FLNA: variants seen among roughly 807,000 people sequenced by gnomAD.
FLNA encodes filamin A, also known as filamin-A.
A neutral mutation model predicts 157.6 loss-of-function variants in FLNA; 7 were observed. The observed-to-expected ratio is 0.04, with a 90% CI of 0.03 to 0.08. The LOEUF is 0.08. Among genes scored for constraint, FLNA ranks in the 10% least tolerant of loss-of-function variants. The probability of loss-of-function intolerance (pLI) is 1.00; values close to 1 mark genes in which losing one functional copy is unlikely to be tolerated. For synonymous variants in FLNA, 1,103 were observed against 1,060.8 expected, an observed-to-expected ratio of 1.04 and a Z score of -0.77; for missense variants, 1,750 against 2,398.4, an observed-to-expected ratio of 0.73 and a Z score of 5.65.
At position 154,361,761 on chromosome X, in the gene FLNA, A is replaced by G. The variant is rs1557178086; in HGVS notation, c.2853T>C (p.Tyr951=). 2 of 1,207,005 alleles carry G rather than the reference A, an allele frequency of 1.7e-6. No individual in the cohort carries two copies. The highest frequency in any genetic ancestry group is 2.2e-6 in the Non-Finnish European group (2 of 891,750). Reference sequence around the variant, plus strand: ...GGCTCTTAGGGATGGGATCCCCTCCATAAGTGACATTGACGCCTACTGGAC... The same window carrying G: ...GGCTCTTAGGGATGGGATCCCCTCCGTAAGTGACATTGACGCCTACTGGAC... ...QQGPVGVNVT[Y]GGDPIPKSPF... is the part of the protein sequence containing the mutation. The change falls in exon 20 of 48, where the codon TAT becomes TAC. Residue 951 remains tyrosine, a synonymous_variant. Transcript: ENST00000369850.
chrX:154,369,669 C>A (rs1369494018), intron 2 of FLNA, among the ~76,000 whole-genome samples: 1 of 112,064 alleles, frequency 8.9e-6, no homozygotes, highest in Admixed American at 9.4e-5. Context: ...GGAGACCCCC[C>A]CTAAAGAGCT....
rs2067653487 is a variant in FLNA, at chrX:154,355,175, C to T, written c.4970-103G>A. On this transcript the variant is annotated intron_variant, in intron 30 of 47. Transcript: ENST00000369850. ...CCACACAGGCCTCTCATTGCCACCA[C>T]CAAGCACAGCCAGGCCGCCAGGCCT... 1.1e-5 allele frequency: 10 copies of T among 908,819 alleles called. No individual in the cohort carries two copies. In the East Asian group the frequency reaches 3.3e-4, roughly 30 times the overall value. 74.9% of individuals were successfully genotyped at this position (908,819 alleles called of 1,213,427 possible). A position where few individuals can be genotyped will look rare whatever the true frequency, so the allele number is the denominator to read the frequency against.
rs1057524473 is a variant in FLNA, at chrX:154,362,290, G to A, written c.2608C>T (p.His870Tyr). ...SPIRVKVEPS[H>Y]DASKVKAEGP... ...TCGGCCTTCACCTTACTGGCGTCAT[G>A]AGAGGGCTCCACCTTGACTCGGATG... The change falls in exon 18 of 48, where the codon CAT becomes TAT. Residue 870 changes from histidine to tyrosine, a missense_variant. Physicochemically the swap from His to Tyr is moderately conservative, Grantham distance 83. This residue lies in a region of FLNA where 648 missense variants were observed against 805.8 expected (regional missense o/e 0.80). Coordinates refer to ENST00000369850, the MANE Select transcript of FLNA (RefSeq NM_001110556.2). 1.7e-6 allele frequency: 2 copies of A among 1,209,860 alleles called. No homozygotes were observed. Among genetic ancestry groups the A allele is most frequent in the Non-Finnish European group, 2.2e-6 (2 of 895,128 alleles).
At chrX:154,363,893 G>A (rs1361562214) in intron 15 of FLNA, 129 bp downstream of exon 15, 4 of 695,669 alleles carry the variant, frequency 5.7e-6, no homozygotes, top group Middle Eastern at 2.9e-4. Flanking sequence ...GCAGAAAGCA[G>A]GTTAGTGGTC....
At chrX:154,373,239 G>A (rs782264862) in intron 1 of FLNA, among the ~76,000 whole-genome samples, 5 of 111,820 alleles carry the variant, frequency 4.5e-5, no homozygotes, top group Non-Finnish European at 9.4e-5. Context: ...ATCAATAATT[G>A]ACTCTCTCTC....
At chrX:154,363,931 G>A in intron 15 of FLNA, 91 bp downstream of exon 15, 3 of 1,000,444 alleles carry the variant, frequency 3.0e-6, no homozygotes, top group Non-Finnish European at 4.2e-6. Flanking sequence ...AGGGGAGTCA[G>A]GATGGTGTGC....
chrX:154,365,383 G>A lies in FLNA; in HGVS notation c.1533C>T (p.Gly511=). The A allele has an allele frequency of 8.3e-7, 1 of 1,211,751 alleles. No individual in the cohort carries two copies. The highest frequency in any genetic ancestry group is 1.8e-5 in the South Asian group (1 of 57,051). The change falls in exon 10 of 48, where the codon GGC becomes GGT. Residue 511 remains glycine, a synonymous_variant. Coordinates refer to ENST00000369850, the MANE Select transcript of FLNA (RefSeq NM_001110556.2). ...ADFKVYTKGA[G]SGELKVTVKG... ...TCACGGTGACCTTCAGCTCCCCACT[G>A]CCAGCGCCCTTTGTGTACACCTTGA...
chrX:154,374,511 G>A lies in FLNA; in HGVS notation c.-122C>T, dbSNP rs1207780237. 1 of 112,240 alleles carries A rather than the reference G, an allele frequency of 8.9e-6. No individual in the cohort carries two copies. The highest frequency in any genetic ancestry group is 3.2e-5 in the African/African-American group (1 of 31,019). The allele number at this position is 112,240 out of a possible 1,213,427, so 9.2% of individuals were successfully genotyped here. On this transcript the variant is annotated 5_prime_UTR_variant, in exon 1 of 48. Coordinates refer to ENST00000369850, the MANE Select transcript of FLNA (RefSeq NM_001110556.2). ...CCGGGCCGCGGAGACCTCACCTGCT[G>A]TTCCTGAGAGCGACCGGTGACCGAT...
At chrX:154,363,648 G>C (rs1557178540) in intron 15 of FLNA, among the ~76,000 whole-genome samples, 1 of 111,559 alleles carries the variant, frequency 9.0e-6, no homozygotes, top group Non-Finnish European at 1.9e-5. Flanking sequence ...GGGAGAAAGA[G>C]CCTGCAGTGA....
chrX:154,350,020 GAC>G lies in FLNA; in HGVS notation c.7333+9_7333+10del. 1 of 1,210,321 alleles carries G rather than the reference GAC, an allele frequency of 8.3e-7. No individual in the cohort carries two copies. The highest frequency in any genetic ancestry group is 1.8e-5 in the South Asian group (1 of 56,985). Reference sequence around the variant, plus strand: ...CTGTGTGCACACGTGCAGCCGCACCGACAGACTTACCTGTGACACCGCCTTCC... The same window carrying G: ...CTGTGTGCACACGTGCAGCCGCACCGAGACTTACCTGTGACACCGCCTTCC... On this transcript the variant is annotated intron_variant, in intron 45 of 47. Transcript: ENST00000369850.
chrX:154,360,104 C>T lies in FLNA; in HGVS notation c.3691G>A (p.Val1231Ile), dbSNP rs1191721014. The T allele has an allele frequency of 5.8e-6, 7 of 1,209,837 alleles. No individual in the cohort carries two copies. The highest frequency in any genetic ancestry group is 1.7e-5 in the African/African-American group (1 of 57,636). Residue 1231 changes from valine (V) to isoleucine (I), a missense_variant, in exon 22 of 48, where the codon GTC (valine) becomes ATC (isoleucine). Around this residue, in one of 5 missense-constraint regions of FLNA, gnomAD observed 970 missense variants for 1,302.6 expected, o/e 0.74. Coordinates refer to ENST00000369850, the MANE Select transcript of FLNA (RefSeq NM_001110556.2). ...YIPLCPGAYT[V>I]TIKYGGQPVP... The stretch of plus-strand genomic sequence containing the variant: ...GGCTGGCCGCCGTACTTGATGGTGA[C>T]GGTGTAGGCCCCGGGGCAGAGGGGA...
intron 9 of FLNA, 88 bp downstream of exon 9, chrX:154,365,936 C>T: frequency 1.1e-6 from 1 of 930,338 alleles, no homozygotes; most frequent in Non-Finnish European, 1.5e-6. Context: ...CCGGGGCGGG[C>T]TGCAGCGGGA....
At chrX:154,373,282 T>C (rs1261361695) in intron 1 of FLNA, among the ~76,000 whole-genome samples, 1 of 112,382 alleles carries the variant, frequency 8.9e-6, no homozygotes, top group Non-Finnish European at 1.9e-5. Context: ...TTGTCTGGGT[T>C]CATTCCTTAA....
chrX:154,356,650 TA>T (rs3216397), intron 30 of FLNA, among the ~76,000 whole-genome samples: 13,413 of 111,139 alleles, frequency 0.12, 638 homozygotes, highest in South Asian at 0.17. Flanking sequence ...TGCTGGGGGA[TA>T]GGGGAAGGGG....
In FLNA at chrX:154,364,058, G is replaced by T. The variant is rs1442100193; in HGVS notation, c.2244C>A (p.Ser748=). Residue 748 remains serine, a synonymous_variant, in exon 15 of 48, where the codon TCC becomes TCA. Transcript: ENST00000369850. The part of the protein sequence containing the change: ...RKPVKHTAMV[S]WGGVSIPNSP... ...TGTTGGGGATGCTGACGCCTCCCCA[G>T]GACACCATGGCTGTGTGCTTCACCG... 8.3e-7 allele frequency: 1 copy of T among 1,209,725 alleles called. No individual in the cohort carries two copies. The highest frequency in any genetic ancestry group is 3.0e-5 in the East Asian group (1 of 33,777).
In FLNA at chrX:154,360,213, G is replaced by A; in HGVS notation, c.3582C>T (p.Thr1194=). 8.3e-7 allele frequency: 1 copy of A among 1,211,191 alleles called. No homozygotes were observed. Among genetic ancestry groups the A allele is most frequent in the South Asian group, 1.8e-5 (1 of 57,060 alleles). The change falls in exon 22 of 48, where the codon ACC becomes ACT. Residue 1194 remains threonine (T), a synonymous_variant. Transcript: ENST00000369850. ...DCSSAGSAEL[T]IEICSEAGLP... ...GCCCCGCCTCCGAGCAGATCTCAAT[G>A]GTCAGCTCCGCGCTGCCCGCGCTCG...
rs1362224714 is a variant in FLNA, at chrX:154,360,591, A to G, written c.3208-4T>C. 1 of 1,193,708 alleles carries G rather than the reference A, an allele frequency of 8.4e-7. No individual in the cohort carries two copies. Among genetic ancestry groups the G allele is most frequent in the Non-Finnish European group, 1.1e-6 (1 of 887,107 alleles). On this transcript the variant is annotated splice_polypyrimidine_tract_variant and splice_region_variant and intron_variant, in intron 21 of 47. Transcript: ENST00000369850. ...GCCCCGGCCCAAACGCCTTCACCTG[A>G]GGGAAGAAGGGGTCAGGAGCCAAGG...
Position 154,354,256 on chromosome X carries a change from G to A in FLNA, c.5452C>T (p.Pro1818Ser). ...VRMPSGKVAQ[P>S]TITDNKDGTV... The stretch of plus-strand genomic sequence containing the variant: ...CCGTCTTTGTTGTCAGTGATGGTGG[G>A]CTGCGCCACCTTGCCTGAGGGCATC... Residue 1818 changes from proline to serine, a missense_variant, in exon 34 of 48, where the codon CCC (proline) becomes TCC (serine). By Grantham distance (74) the Pro-to-Ser change is moderately conservative. This residue lies in a region of FLNA where 970 missense variants were observed against 1,302.6 expected (regional missense o/e 0.74). Transcript: ENST00000369850. 8.3e-7 allele frequency: 1 copy of A among 1,211,725 alleles called. No individual in the cohort carries two copies. The highest frequency in any genetic ancestry group is 1.1e-6 in the Non-Finnish European group (1 of 895,568).
At position 154,360,249 on chromosome X, in the gene FLNA, T is replaced by G; in HGVS notation, c.3546A>C (p.Gln1182His). The G allele has an allele frequency of 2.5e-6, 3 of 1,211,045 alleles. 1 individual carries two copies. In the South Asian group the frequency reaches 5.3e-5, roughly 21 times the overall value. The change falls in exon 22 of 48, where the codon CAA (glutamine) becomes CAC (histidine). Residue 1182 changes from glutamine to histidine, a missense_variant. Physicochemically the swap from Gln to His is conservative, Grantham distance 24. This residue lies in a region of FLNA where 648 missense variants were observed against 805.8 expected (regional missense o/e 0.80). Transcript: ENST00000369850. ...CGCTGCCCGCGCTCGAGCAGTCCAC[T>G]TGGAATTGGCCCACCTCCCCAGCGG... ...RATAGEVGQF[Q>H]VDCSSAGSAE...
Sources: gnomAD v4.1 joint callset for allele counts (sites outside exome capture counted in the v4.1 genomes callset) on GRCh38, gnomAD v4.1.1 for gene constraint, gnomAD v4.1.1 regional missense constraint, MANE v1.5 for transcripts, NCBI Gene and HGNC (gene_info 2026-07-23, HGNC 2026-07-21) for gene names.